Variants in ABRAXAS2 observed in about 807,000 individuals in gnomAD.
ABRAXAS2 encodes BRISC complex subunit Abraxas 2.
ABRAXAS2 carries 23 observed loss-of-function variants against 49.0 expected under a neutral mutation model. That is an observed-to-expected ratio of 0.47 (90% CI 0.34 to 0.66). ABRAXAS2 has a LOEUF of 0.66. ABRAXAS2 is among the 30% of genes least tolerant of loss of function. The pLI is 0.01. For synonymous variants in ABRAXAS2, 168 were observed against 180.2 expected (o/e 0.93, Z 0.54); for missense variants, 443 against 511.9 (o/e 0.87, Z 1.30).
At chr10:124,819,701 G>A (rs1950849145) in intron 4 of ABRAXAS2, among the ~76,000 whole-genome samples, 1 of 151,642 alleles carries the variant, frequency 6.6e-6, no homozygotes, top group Non-Finnish European at 1.5e-5. Context: ...TAGAACCCTG[G>A]CGGCAGAGGT....
Position 124,835,790 on chromosome 10 carries a change from C to T in ABRAXAS2, c.*819C>T, listed in dbSNP as rs1950965495. ...GAGTGAGTTTTATAATGAACAGATT[C>T]CAGACACGGTAGGTTTAGCTGAGTT... On this transcript the variant is annotated 3_prime_UTR_variant, in exon 9 of 9. Transcript: ENST00000298492. The T allele has an allele frequency of 6.6e-6, 1 of 152,152 alleles. No individual in the cohort carries two copies. The highest frequency in any genetic ancestry group is 1.5e-5 in the Non-Finnish European group (1 of 68,030). The allele number at this position is 152,152 out of a possible 1,614,324, so 9.4% of individuals were successfully genotyped here.
intron 2 of ABRAXAS2, among the ~76,000 whole-genome samples, chr10:124,814,692 C>G (rs1213268942): frequency 6.6e-6 from 1 of 151,548 alleles, no homozygotes; most frequent in Non-Finnish European, 1.5e-5. Context: ...CTCTGTCATT[C>G]AGGCTGGGGT....
chr10:124,802,122 C>T (rs973699994), intron 1 of ABRAXAS2, among the ~76,000 whole-genome samples: 3 of 152,208 alleles, frequency 2.0e-5, no homozygotes, highest in Non-Finnish European at 2.9e-5. Flanking sequence ...CTCAGCCGCT[C>T]GGCCGTCCCG....
At chr10:124,801,957 C>A in intron 1 of ABRAXAS2, 56 bp downstream of exon 1, 1 of 1,571,124 alleles carries the variant, frequency 6.4e-7, no homozygotes, top group Non-Finnish European at 8.7e-7. Context: ...CTGTCTCAGG[C>A]CGGCGCTCGC....
At chr10:124,801,994 GC>G in intron 1 of ABRAXAS2, 93 bp downstream of exon 1, 2 of 1,304,472 alleles carry the variant, frequency 1.5e-6, no homozygotes, top group Non-Finnish European at 1.1e-6. Flanking sequence ...CATGCGGCTC[GC>G]CCCCTGGGCA....
intron 4 of ABRAXAS2, among the ~76,000 whole-genome samples, chr10:124,825,811 AACTT>A (rs1040238698): frequency 6.6e-6 from 1 of 152,184 alleles, no homozygotes; most frequent in African/African-American, 2.4e-5. Context: ...AAAATTCAGA[AACTT>A]ACTTAAATTC....
intron 6 of ABRAXAS2, among the ~76,000 whole-genome samples, chr10:124,829,116 C>T (rs1415289843): frequency 6.6e-6 from 1 of 152,134 alleles, no homozygotes; most frequent in African/African-American, 2.4e-5. Flanking sequence ...GTAATTGATA[C>T]AAAAGTTTTG....
chr10:124,827,350 G>A (rs981318103), intron 5 of ABRAXAS2, among the ~76,000 whole-genome samples: 7 of 151,600 alleles, frequency 4.6e-5, no homozygotes, highest in African/African-American at 1.7e-4. Flanking sequence ...TAGTAGAGAC[G>A]GGGTTTTGCC....
At chr10:124,802,652 C>T (rs1359783605) in intron 1 of ABRAXAS2, among the ~76,000 whole-genome samples, 1 of 152,100 alleles carries the variant, frequency 6.6e-6, no homozygotes, top group Admixed American at 6.6e-5. Context: ...ACGTCATTGG[C>T]CTCTGATTGG....
intron 8 of ABRAXAS2, among the ~76,000 whole-genome samples, chr10:124,832,835 C>A (rs1394781770): frequency 6.7e-6 from 1 of 149,076 alleles, no homozygotes; most frequent in East Asian, 2.0e-4. Flanking sequence ...CAGAGTGAGA[C>A]TGTCTCAAAA....
intron 2 of ABRAXAS2, 129 bp from the exon 3 acceptor site, chr10:124,816,447 C>A: frequency 1.5e-6 from 1 of 651,126 alleles, no homozygotes; most frequent in Non-Finnish European, 2.7e-6. Flanking sequence ...CATGTAGCAA[C>A]TGTTTGGCAG....
At position 124,831,329 on chromosome 10, in the gene ABRAXAS2, G is replaced by C; in HGVS notation, c.664-20G>C. Reference sequence around the variant, plus strand: ...TGTGCTTGAACTTGAAGCTAACCTCGTTGTCATTTTTTTCCTCAGGCAGTG... The same window carrying C: ...TGTGCTTGAACTTGAAGCTAACCTCCTTGTCATTTTTTTCCTCAGGCAGTG... On this transcript the variant is annotated intron_variant, in intron 7 of 8. Coordinates refer to ENST00000298492, the MANE Select transcript of ABRAXAS2 (RefSeq NM_032182.4). 6.7e-7 allele frequency: 1 copy of C among 1,486,684 alleles called. No homozygotes were observed. Among genetic ancestry groups the C allele is most frequent in the Non-Finnish European group, 9.4e-7 (1 of 1,065,278 alleles). The allele number at this position is 1,486,684 out of a possible 1,614,324, so 92.1% of individuals were successfully genotyped here. A position where few individuals can be genotyped will look rare whatever the true frequency, so the allele number is the denominator to read the frequency against.
chr10:124,814,351 T>G (rs1410977194), intron 2 of ABRAXAS2, among the ~76,000 whole-genome samples: 1 of 151,740 alleles, frequency 6.6e-6, no homozygotes, highest in Non-Finnish European at 1.5e-5. Context: ...TTTGTACTTT[T>G]TTTTGCTTTT....
At chr10:124,824,271 C>T (rs551577363) in intron 4 of ABRAXAS2, among the ~76,000 whole-genome samples, 56 of 152,178 alleles carry the variant, frequency 3.7e-4, no homozygotes, top group Non-Finnish European at 6.9e-4. Flanking sequence ...CACTGTGGCT[C>T]ACGCCTGTAA....
intron 8 of ABRAXAS2, among the ~76,000 whole-genome samples, chr10:124,833,729 A>C (rs895639754): frequency 6.6e-6 from 1 of 152,078 alleles, no homozygotes; most frequent in Admixed American, 6.6e-5. Context: ...TTCCTTTCTA[A>C]ATATTCTAAA....
intron 2 of ABRAXAS2, among the ~76,000 whole-genome samples, chr10:124,816,136 A>G (rs961289489): frequency 6.6e-6 from 1 of 151,666 alleles, no homozygotes; most frequent in Admixed American, 6.6e-5. Flanking sequence ...CTCCTGACCT[A>G]GTGATCTGTC....
At chr10:124,808,269 G>A (rs542112910) in intron 2 of ABRAXAS2, among the ~76,000 whole-genome samples, 173 of 151,532 alleles carry the variant, frequency 1.1e-3, no homozygotes, top group African/African-American at 4.0e-3. Context: ...TCCGCCTCCC[G>A]GGTTCAGGCC....
chr10:124,806,995 C>A, intron 2 of ABRAXAS2, 74 bp downstream of exon 2: 2 of 1,188,478 alleles, frequency 1.7e-6, no homozygotes, highest in Non-Finnish European at 2.5e-6. Context: ...GTTGTTTTGC[C>A]CTTAACTGAT....
At chr10:124,807,611 T>C (rs1333747997) in intron 2 of ABRAXAS2, among the ~76,000 whole-genome samples, 1 of 151,958 alleles carries the variant, frequency 6.6e-6, no homozygotes, top group Non-Finnish European at 1.5e-5. Flanking sequence ...CAAGATCTTG[T>C]CTCAAAAAGA....
Sources: gnomAD v4.1 joint callset for allele counts (sites outside exome capture counted in the v4.1 genomes callset) on GRCh38, gnomAD v4.1.1 for gene constraint, MANE v1.5 for transcripts, NCBI Gene and HGNC (gene_info 2026-07-23, HGNC 2026-07-21) for gene names.